The following ZNF500 variants were observed in gnomAD, a reference collection of about 807,000 sequenced individuals.
ZNF500 encodes zinc finger protein with KRAB and SCAN domains 18.
A neutral mutation model predicts 30.1 loss-of-function variants in ZNF500; 31 were observed. The observed-to-expected ratio is 1.03, with a 90% CI of 0.77 to 1.39. The LOEUF (loss-of-function observed/expected upper bound fraction) is 1.39. Among genes scored for constraint, ZNF500 ranks in the 40% most tolerant of loss-of-function variants. ZNF500 has a pLI of 0.00. For synonymous variants in ZNF500, 392 were observed against 282.0 expected (o/e 1.39, Z -3.91); for missense variants, 817 against 657.8 (o/e 1.24, Z -2.65).
chr16:4,763,905 G>C, intron 2 of ZNF500: 1 of 985,446 alleles, frequency 1.0e-6, no homozygotes, highest in Non-Finnish European at 1.2e-6. Flanking sequence ...GCAGCCAGCA[G>C]CACTGCCACA....
At chr16:4,747,215 G>A (rs1278230582), downstream of ZNF500, 6 of 1,297,566 alleles carry the variant, frequency 4.6e-6, no homozygotes, top group East Asian at 4.7e-5. Flanking sequence ...GCAGTGATGG[G>A]CTGCCTGAAT....
chr16:4,745,992 G>C (rs1176686786), downstream of ZNF500, among the ~76,000 whole-genome samples: 1 of 151,626 alleles, frequency 6.6e-6, no homozygotes, highest in Non-Finnish European at 1.5e-5. Context: ...GAAATGGAGA[G>C]AACTGCAGTG....
In ZNF500 at chr16:4,752,838, G is replaced by A. The variant is rs1180782519; in HGVS notation, c.981C>T (p.Cys327=). ...TGCTGAAGCCTTTGCCACATTCGGG[G>A]CAGGTGTACGGCTTGTCAGCCCCAT... ...ASHGADKPYT[C]PECGKGFSKT... Residue 327 remains cysteine, a synonymous_variant, in exon 6 of 6, where the codon TGC becomes TGT. Transcript: ENST00000219478. 3 of 1,614,246 alleles carry A rather than the reference G, an allele frequency of 1.9e-6. No homozygotes were observed. Among genetic ancestry groups the A allele is most frequent in the Non-Finnish European group, 8.5e-7 (1 of 1,180,044 alleles).
Position 4,752,859 on chromosome 16 carries a change from C to CCCATGGGAA in ZNF500, c.951_959dup (p.Ser318_Gly320dup). 1 of 1,614,176 alleles carries CCCATGGGAA rather than the reference C, an allele frequency of 6.2e-7. No homozygotes were observed. The highest frequency in any genetic ancestry group is 1.1e-5 in the South Asian group (1 of 91,090). On this transcript the variant is annotated inframe_insertion, in exon 6 of 6. Coordinates refer to ENST00000219478, the MANE Select transcript of ZNF500 (RefSeq NM_021646.4). The stretch of plus-strand genomic sequence containing the variant: ...CGGGGCAGGTGTACGGCTTGTCAGC[C>CCCATGGGAA]CCATGGGAAGCCCGTCTTCCTGGTG...
rs1445050435 is a variant in ZNF500, at chr16:4,763,689, G to A, written c.415-933C>T. The stretch of plus-strand genomic sequence containing the variant: ...GATGGCCATGAGGCATGTGTGCAGA[G>A]GTGTCGGTGCAGTGACAGAAGGAAG... On this transcript the variant is annotated intron_variant, in intron 2 of 5. Coordinates refer to ENST00000219478, the MANE Select transcript of ZNF500 (RefSeq NM_021646.4). 4 of 985,142 alleles carry A rather than the reference G, an allele frequency of 4.1e-6. No homozygotes were observed. The South Asian group carries it at 1.4e-4, about 35-fold the overall frequency. The allele number at this position is 985,142 out of a possible 1,614,324, so 61.0% of individuals were successfully genotyped here. A position where few individuals can be genotyped will look rare whatever the true frequency, so the allele number is the denominator to read the frequency against.
Position 4,752,291 on chromosome 16 carries a change from T to TGGCA in ZNF500, c.*84_*85insTGCC. 2 of 1,429,816 alleles carry TGGCA rather than the reference T, an allele frequency of 1.4e-6. No individual in the cohort carries two copies. Among genetic ancestry groups the TGGCA allele is most frequent in the Non-Finnish European group, 1.8e-6 (2 of 1,096,670 alleles). 88.6% of individuals were successfully genotyped at this position (1,429,816 alleles called of 1,614,324 possible). Reference sequence around the variant, plus strand: ...ATGGGAGGAAACGGGCAGCTGGCAATGCTTTCGGACCAGGCTGTCTAGCAG... The same window carrying TGGCA: ...ATGGGAGGAAACGGGCAGCTGGCAATGGCAGCTTTCGGACCAGGCTGTCTAGCAG... On this transcript the variant is annotated 3_prime_UTR_variant, in exon 6 of 6. Coordinates refer to ENST00000219478, the MANE Select transcript of ZNF500 (RefSeq NM_021646.4).
Position 4,757,031 on chromosome 16 carries a change from T to C in ZNF500, c.760+3461A>G, listed in dbSNP as rs1170397551. ...GAACTATGTGTTACTGCACCCAACC[T>C]GGGTGACAGAGTGAGACCCTGTCTC... On this transcript the variant is annotated intron_variant, in intron 5 of 5. Coordinates refer to ENST00000219478, the MANE Select transcript of ZNF500 (RefSeq NM_021646.4). Among the ~76,000 whole-genome samples, 3 of 152,148 alleles carry C rather than the reference T, an allele frequency of 2.0e-5. No homozygotes were observed. In the East Asian group the frequency reaches 5.8e-4, roughly 29 times the overall value.
chr16:4,753,110 A>G (rs1321484852), intron 5 of ZNF500, 52 bp from the exon 6 acceptor site: 1 of 1,494,318 alleles, frequency 6.7e-7, no homozygotes, highest in Non-Finnish European at 8.9e-7. Flanking sequence ...AGGGCAAGGG[A>G]AATCCTTCTA....
chr16:4,751,926 G>T lies in ZNF500; in HGVS notation c.*450C>A. On this transcript the variant is annotated 3_prime_UTR_variant, in exon 6 of 6. Coordinates refer to ENST00000219478, the MANE Select transcript of ZNF500 (RefSeq NM_021646.4). ...CCGTCTCAAAAAAAAAAGGGGGGGG[G>T]AGCAGGTGGGGGGTACACACAGAGA... is the stretch of plus-strand genomic sequence containing the variant. 3.0e-6 allele frequency: 1 copy of T among 331,990 alleles called. No homozygotes were observed. The highest frequency in any genetic ancestry group is 4.8e-6 in the Non-Finnish European group (1 of 209,108). The allele number at this position is 331,990 out of a possible 1,614,324, so 20.6% of individuals were successfully genotyped here.
downstream of ZNF500, chr16:4,746,504 C>G: frequency 6.2e-7 from 1 of 1,613,442 alleles, no homozygotes; most frequent in Non-Finnish European, 8.5e-7. Flanking sequence ...ACCACCTGTC[C>G]CCAGAAAGGT....
chr16:4,751,906 TC>T lies in ZNF500; in HGVS notation c.*469del. ...CTGGGGGACACAGCAAGGCCCCGTC[TC>T]AAAAAAAAAAGGGGGGGGGAGCAGG... On this transcript the variant is annotated 3_prime_UTR_variant, in exon 6 of 6. Coordinates refer to ENST00000219478, the MANE Select transcript of ZNF500 (RefSeq NM_021646.4). 1.2e-5 allele frequency: 2 copies of T among 169,420 alleles called. No individual in the cohort carries two copies. The highest frequency in any genetic ancestry group is 1.7e-4 in the South Asian group (1 of 5,766). 10.5% of individuals were successfully genotyped at this position (169,420 alleles called of 1,614,324 possible).
chr16:4,762,917 G>A (rs1485413127), intron 2 of ZNF500, 161 bp from the exon 3 acceptor site: 1 of 985,194 alleles, frequency 1.0e-6, no homozygotes, highest in East Asian at 1.1e-4. Context: ...AGTGTTCCCT[G>A]CAGCCAGCTC....
chr16:4,766,094 A>C lies in ZNF500; in HGVS notation c.-98-18T>G. On this transcript the variant is annotated intron_variant, in intron 1 of 5. Transcript: ENST00000219478. ...TCAGGGCCCTGTGGAGAGACGATAA[A>C]ACCATCTGAAGGGCAGCCCTGGGGC... 3.1e-6 allele frequency: 4 copies of C among 1,295,320 alleles called. No individual in the cohort carries two copies. Among genetic ancestry groups the C allele is most frequent in the Non-Finnish European group, 4.1e-6 (4 of 975,942 alleles). The allele number at this position is 1,295,320 out of a possible 1,614,324, so 80.2% of individuals were successfully genotyped here. A position where few individuals can be genotyped will look rare whatever the true frequency, so the allele number is the denominator to read the frequency against.
downstream of ZNF500, chr16:4,746,898 C>T (rs1037241052): frequency 4.6e-6 from 7 of 1,515,476 alleles, no homozygotes; most frequent in Non-Finnish European, 6.2e-6. Context: ...GGAGTGGGCA[C>T]ATCCAGAAAC....
Position 4,765,615 on chromosome 16 carries a change from C to A in ZNF500, c.364G>T (p.Val122Leu). 1 of 1,612,674 alleles carries A rather than the reference C, an allele frequency of 6.2e-7. No individual in the cohort carries two copies. The highest frequency in any genetic ancestry group is 8.5e-7 in the Non-Finnish European group (1 of 1,179,350). The stretch of plus-strand genomic sequence containing the variant: ...CGCTGCAGCCCTTCCACAAGGACCA[C>A]GGCCTCCTCACCGCTCTCCGGCTGC... ...EQQPESGEEA[V>L]VLVEGLQRKP... is the part of the protein sequence containing the mutation. Residue 122 changes from valine (V) to leucine (L), a missense_variant, in exon 2 of 6, where the codon GTG becomes TTG. Coordinates refer to ENST00000219478, the MANE Select transcript of ZNF500 (RefSeq NM_021646.4).
At chr16:4,758,829 T>C (rs2082166527) in intron 5 of ZNF500, among the ~76,000 whole-genome samples, 1 of 151,902 alleles carries the variant, frequency 6.6e-6, no homozygotes, top group Non-Finnish European at 1.5e-5. Flanking sequence ...AAAAAAACGA[T>C]CAACTGGACA....
At chr16:4,747,133 C>T, downstream of ZNF500, 5 of 1,247,588 alleles carry the variant, frequency 4.0e-6, no homozygotes, top group Non-Finnish European at 5.5e-6. Flanking sequence ...TTGCTGCACC[C>T]ACCGCACAGG....
Position 4,760,602 on chromosome 16 carries a change from C to T in ZNF500, c.664-14G>A, listed in dbSNP as rs757478768. ...GTTCACGGGCACCTGCCAGAACGCA[C>T]CCCACTCAGTCCTGGCCCCAAGCAA... is the stretch of plus-strand genomic sequence containing the variant. On this transcript the variant is annotated splice_polypyrimidine_tract_variant and intron_variant, in intron 4 of 5. Coordinates refer to ENST00000219478, the MANE Select transcript of ZNF500 (RefSeq NM_021646.4). 5 of 1,611,794 alleles carry T rather than the reference C, an allele frequency of 3.1e-6. No individual in the cohort carries two copies. The highest frequency in any genetic ancestry group is 4.2e-6 in the Non-Finnish European group (5 of 1,178,498).
chr16:4,747,391 G>T (rs370127789), downstream of ZNF500: 5 of 1,610,460 alleles, frequency 3.1e-6, no homozygotes, highest in Non-Finnish European at 4.2e-6. Flanking sequence ...GGGCCTTTCA[G>T]AAGGGGACAG....
Sources: gnomAD v4.1 joint callset for allele counts (sites outside exome capture counted in the v4.1 genomes callset) on GRCh38, gnomAD v4.1.1 for gene constraint, MANE v1.5 for transcripts, NCBI Gene and HGNC (gene_info 2026-07-23, HGNC 2026-07-21) for gene names.